Variants in MAP4K4 observed in about 807,000 individuals in gnomAD.
MAP4K4 encodes the protein mitogen-activated protein kinase kinase kinase kinase 4, also known as HPK/GCK-like kinase HGK.
MAP4K4 carries 38 observed loss-of-function variants against 189.6 expected under a neutral mutation model. That is an observed-to-expected ratio of 0.20 (90% CI 0.15 to 0.26). The LOEUF is 0.26. Among genes scored for constraint, MAP4K4 ranks in the 10% least tolerant of loss-of-function variants. The pLI, the probability that MAP4K4 is intolerant of heterozygous loss-of-function variation, is 1.00. For synonymous variants in MAP4K4, 610 were observed against 624.3 expected, an observed-to-expected ratio of 0.98 and a Z score of 0.34; for missense variants, 1,054 against 1,726.9, an observed-to-expected ratio of 0.61 and a Z score of 6.91.
intron 3 of MAP4K4, among the ~76,000 whole-genome samples, chr2:101,809,336 C>A (rs1458575397): frequency 6.8e-6 from 1 of 147,552 alleles, no homozygotes; most frequent in Non-Finnish European, 1.5e-5. Context: ...TCTGAACAAG[C>A]ACTTTTTATT....
intron 2 of MAP4K4, among the ~76,000 whole-genome samples, chr2:101,730,686 A>T (rs769728061): frequency 1.3e-5 from 2 of 152,008 alleles, no homozygotes; most frequent in Non-Finnish European, 2.9e-5. Flanking sequence ...ACGTTTTTGA[A>T]TTTTTCCCCT....
chr2:101,738,929 T>G (rs2061533725), intron 2 of MAP4K4, among the ~76,000 whole-genome samples: 1 of 152,098 alleles, frequency 6.6e-6, no homozygotes, highest in African/African-American at 2.4e-5. Context: ...TTGTGAGGAT[T>G]AAATGAAACA....
chr2:101,833,619 C>CAA (rs373529950), intron 7 of MAP4K4, among the ~76,000 whole-genome samples: 7 of 64,614 alleles, frequency 1.1e-4, no homozygotes, highest in African/African-American at 2.2e-4. Flanking sequence ...GACTCCATCT[C>CAA]AAAAAAAAAA....
At chr2:101,834,486 T>C in intron 8 of MAP4K4, 23 bp downstream of exon 8, 1 of 1,589,872 alleles carries the variant, frequency 6.3e-7, no homozygotes, top group South Asian at 1.1e-5. Flanking sequence ...CTTTTCTTTT[T>C]AGCTCACTTG....
In MAP4K4 at chr2:101,752,696, G is replaced by A. The variant is rs78655086; in HGVS notation, c.124-38024G>A. Among the ~76,000 whole-genome samples the A allele has an allele frequency of 2.2e-4, 34 of 152,284 alleles. 1 individual carries two copies. In the East Asian group the frequency reaches 6.2e-3, roughly 28 times the overall value. On this transcript the variant is annotated intron_variant, in intron 2 of 32. Transcript: ENST00000324219. ...TTCCCATTTAGCTGAAGAAAAAACC[G>A]AAGGCTTAGCAAGGTTAATTTACCT...
At chr2:101,769,477 T>A (rs2150324657) in intron 2 of MAP4K4, among the ~76,000 whole-genome samples, 1 of 152,292 alleles carries the variant, frequency 6.6e-6, no homozygotes, top group South Asian at 2.1e-4. Context: ...TACTCAAGAT[T>A]TTTGCAGTAT....
chr2:101,751,950 T>C (rs2069280451), intron 2 of MAP4K4, among the ~76,000 whole-genome samples: 2 of 152,196 alleles, frequency 1.3e-5, no homozygotes, highest in Admixed American at 1.3e-4. Flanking sequence ...CAGCTGTCAT[T>C]CTACTGTTTC....
intron 2 of MAP4K4, among the ~76,000 whole-genome samples, chr2:101,783,281 G>GAA (rs34196195): frequency 8.6e-4 from 129 of 149,568 alleles, no homozygotes; most frequent in African/African-American, 1.8e-3. Flanking sequence ...TGTTTTTCTG[G>GAA]AAAAAAAAAA....
chr2:101,747,471 G>A (rs567328509), intron 2 of MAP4K4, among the ~76,000 whole-genome samples: 2 of 152,294 alleles, frequency 1.3e-5, no homozygotes, highest in Non-Finnish European at 2.9e-5. Flanking sequence ...GGTTTGGGAA[G>A]GGGAGAGTGA....
intron 11 of MAP4K4, among the ~76,000 whole-genome samples, chr2:101,843,810 T>G (rs2096998284): frequency 6.6e-6 from 1 of 152,222 alleles, no homozygotes; most frequent in Non-Finnish European, 1.5e-5. Context: ...GAAGGTGATT[T>G]CAACCTTTCC....
At chr2:101,864,421 A>G (rs955386055) in intron 17 of MAP4K4, among the ~76,000 whole-genome samples, 40 of 152,296 alleles carry the variant, frequency 2.6e-4, no homozygotes, top group Middle Eastern at 3.4e-3. Flanking sequence ...TATAAGAAAA[A>G]TTTTATTTTC....
At chr2:101,735,353 A>G (rs1355118171) in intron 2 of MAP4K4, among the ~76,000 whole-genome samples, 1 of 152,200 alleles carries the variant, frequency 6.6e-6, no homozygotes, top group Admixed American at 6.5e-5. Flanking sequence ...TCTCTGTACT[A>G]GACAGCTGGA....
intron 11 of MAP4K4, among the ~76,000 whole-genome samples, chr2:101,843,088 A>G (rs546285276): frequency 2.6e-5 from 4 of 152,276 alleles, no homozygotes; most frequent in African/African-American, 9.6e-5. Flanking sequence ...GTCCTGATTT[A>G]TTTTACAGTC....
chr2:101,765,175 G>T (rs1238342183), intron 2 of MAP4K4, among the ~76,000 whole-genome samples: 1 of 151,774 alleles, frequency 6.6e-6, no homozygotes, highest in East Asian at 1.9e-4. Flanking sequence ...AGGGGGATTT[G>T]AAGAAACAAG....
At chr2:101,727,826 G>A (rs533689712) in intron 2 of MAP4K4, among the ~76,000 whole-genome samples, 1 of 152,262 alleles carries the variant, frequency 6.6e-6, no homozygotes, top group East Asian at 1.9e-4. Context: ...AAAATCAGCC[G>A]GGCATGGTGG....
At chr2:101,717,219 G>A (rs2048886041) in intron 2 of MAP4K4, among the ~76,000 whole-genome samples, 1 of 152,138 alleles carries the variant, frequency 6.6e-6, no homozygotes, top group African/African-American at 2.4e-5. Context: ...ATGAGAGTAG[G>A]GCTTGGGCAG....
At chr2:101,755,372 C>T (rs1031495979) in intron 2 of MAP4K4, among the ~76,000 whole-genome samples, 14 of 152,126 alleles carry the variant, frequency 9.2e-5, no homozygotes. Context: ...AAAAGGCTGG[C>T]TGGTCTTCTT....
exon 13 of MAP4K4, chr2:101,856,064 T>C: frequency 6.5e-6 from 10 of 1,550,376 alleles, no homozygotes; most frequent in Non-Finnish European, 8.7e-6. Context: ...TCTAGAGGAG[T>C]TGGAGAGAAG....
At chr2:101,705,019 A>G (rs2041528946) in intron 2 of MAP4K4, among the ~76,000 whole-genome samples, 1 of 152,152 alleles carries the variant, frequency 6.6e-6, no homozygotes. Flanking sequence ...TGGGTTGAGT[A>G]ATTAATAAAG....
Sources: gnomAD v4.1 joint callset for allele counts (sites outside exome capture counted in the v4.1 genomes callset) on GRCh38, gnomAD v4.1.1 for gene constraint, MANE v1.5 for transcripts, NCBI Gene and HGNC (gene_info 2026-07-23, HGNC 2026-07-21) for gene names.